PCDH15: variants seen among roughly 807,000 people sequenced by gnomAD.
The protein encoded by PCDH15 is protocadherin related 15.
In PCDH15, 129 loss-of-function variants were observed where a neutral mutation model predicts 178.5. The ratio of observed to expected loss-of-function variants is 0.72; its 90% CI spans 0.63 to 0.84. The LOEUF is 0.84. Ranked by LOEUF, PCDH15 falls within the 40% of genes least tolerant of loss-of-function variation. The probability of loss-of-function intolerance (pLI) is 0.00; values close to 1 mark genes in which losing one functional copy is unlikely to be tolerated. For synonymous variants in PCDH15, 800 were observed against 732.0 expected, an observed-to-expected ratio of 1.09 and a Z score of -1.50; for missense variants, 2,230 against 2,099.9, an observed-to-expected ratio of 1.06 and a Z score of -1.21.
At chr10:55,273,178 A>C (rs563941881) in intron 1 of PCDH15, among the ~76,000 whole-genome samples, 1 of 152,212 alleles carries the variant, frequency 6.6e-6, no homozygotes, top group African/African-American at 2.4e-5. Flanking sequence ...AGTTTTTATT[A>C]CTCTCATTTT....
chr10:54,549,889 T>G (rs1344697559), intron 2 of PCDH15, among the ~76,000 whole-genome samples: 1 of 152,094 alleles, frequency 6.6e-6, no homozygotes, highest in African/African-American at 2.4e-5. Context: ...CTACATCTTC[T>G]TAGTAAATTG....
chr10:55,392,465 T>C (rs1000822765), intron 2 of PCDH15, among the ~76,000 whole-genome samples: 1 of 152,280 alleles, frequency 6.6e-6, no homozygotes, highest in East Asian at 1.9e-4. Flanking sequence ...AAAACTAAGG[T>C]ATAGTTTTTT....
chr10:54,150,660 G>A (rs1049394166), intron 14 of PCDH15, among the ~76,000 whole-genome samples: 1 of 150,072 alleles, frequency 6.7e-6, no homozygotes, highest in Non-Finnish European at 1.5e-5. Context: ...TATTTTTGTT[G>A]TTTCTTTCCA....
At chr10:54,421,809 A>G (rs1228507922) in intron 3 of PCDH15, among the ~76,000 whole-genome samples, 1 of 71,944 alleles carries the variant, frequency 1.4e-5, no homozygotes. Context: ...GTACATGTGT[A>G]GTGTGTGTAT....
chr10:53,962,044 A>C (rs1370902015), intron 21 of PCDH15, 152 bp from the exon 22 acceptor site: 44 of 657,216 alleles, frequency 6.7e-5, no homozygotes, highest in Non-Finnish European at 9.3e-5. Context: ...ATGTAGCCAG[A>C]TCATTATTTC....
At chr10:55,573,936 C>T (rs1842452326) in intron 2 of PCDH15, among the ~76,000 whole-genome samples, 1 of 151,620 alleles carries the variant, frequency 6.6e-6, no homozygotes, top group Non-Finnish European at 1.5e-5. Context: ...CATGTTACCA[C>T]CATTAAATGA....
chr10:54,611,194 C>T (rs1242511682), intron 2 of PCDH15, among the ~76,000 whole-genome samples: 1 of 151,526 alleles, frequency 6.6e-6, no homozygotes, highest in Non-Finnish European at 1.5e-5. Context: ...ATTTTCTTGC[C>T]AAGTTATGTG....
intron 8 of PCDH15, among the ~76,000 whole-genome samples, chr10:54,267,514 C>A (rs1311385828): frequency 2.6e-5 from 4 of 151,754 alleles, no homozygotes; most frequent in Non-Finnish European, 4.4e-5. Context: ...GGATTCTATA[C>A]CTAGAAAACC....
At chr10:53,895,386 C>CT (rs1397929186) in intron 26 of PCDH15, among the ~76,000 whole-genome samples, 1 of 152,124 alleles carries the variant, frequency 6.6e-6, no homozygotes, top group African/African-American at 2.4e-5. Context: ...TTTCTTGCTG[C>CT]TTTTTCACAA....
intron 16 of PCDH15, among the ~76,000 whole-genome samples, chr10:54,086,491 T>C (rs2094519017): frequency 1.3e-5 from 2 of 152,130 alleles, no homozygotes; most frequent in Admixed American, 1.3e-4. Flanking sequence ...TCCTTGAAAG[T>C]TATAGAGAAG....
rs543396293 is a variant in PCDH15, at chr10:54,338,249, A to T, written c.594+8116T>A. Among the ~76,000 whole-genome samples the T allele has an allele frequency of 3.3e-5, 5 of 152,340 alleles. No individual in the cohort carries two copies. The South Asian group carries it at 6.2e-4, about 19-fold the overall frequency. ...TAATTATACATGAGTTTCCAGTAAA[A>T]TGAGAATATTATGAATTTATGGAGG... On this transcript the variant is annotated intron_variant, in intron 6 of 37. Transcript: ENST00000644397.
intron 1 of PCDH15, among the ~76,000 whole-genome samples, chr10:55,254,943 T>G (rs1564936705): frequency 1.2e-5 from 1 of 83,832 alleles, no homozygotes; most frequent in East Asian, 4.8e-4. Flanking sequence ...CTAGTTAGCT[T>G]AAGTCTTTTC....
chr10:54,134,830 T>C (rs1005544331), intron 14 of PCDH15, among the ~76,000 whole-genome samples: 1 of 151,638 alleles, frequency 6.6e-6, no homozygotes, highest in Non-Finnish European at 1.5e-5. Context: ...CTTTATAATA[T>C]ACCTAAATTC....
chr10:54,850,971 A>G (rs192540436), intron 3 of PCDH15, among the ~76,000 whole-genome samples: 1 of 152,322 alleles, frequency 6.6e-6, no homozygotes, highest in East Asian at 1.9e-4. Context: ...TAAGATGATC[A>G]ATGCAGAAAT....
intron 2 of PCDH15, among the ~76,000 whole-genome samples, chr10:54,604,821 G>A (rs1221060784): frequency 6.6e-6 from 1 of 151,242 alleles, no homozygotes; most frequent in East Asian, 1.9e-4. Context: ...CTTTCTTGAT[G>A]TCTTATTTTG....
chr10:55,126,211 C>T (rs376961886), intron 2 of PCDH15, among the ~76,000 whole-genome samples: 36 of 152,158 alleles, frequency 2.4e-4, no homozygotes, highest in African/African-American at 8.7e-4. Flanking sequence ...CATTGCTCTT[C>T]CCTTTTGTTA....
intron 2 of PCDH15, among the ~76,000 whole-genome samples, chr10:55,485,649 T>C (rs1242138853): frequency 6.6e-6 from 1 of 151,542 alleles, no homozygotes; most frequent in Admixed American, 6.6e-5. Context: ...GCTGTATATA[T>C]ATGCCAAGGA....
chr10:54,242,331 A>C, intron 8 of PCDH15, among the ~76,000 whole-genome samples: 1 of 151,398 alleles, frequency 6.6e-6, no homozygotes. Context: ...TATCTTGAAC[A>C]AAAGGTATAT....
chr10:54,853,475 ATAGT>A (rs1953681102), intron 3 of PCDH15, among the ~76,000 whole-genome samples: 1 of 148,256 alleles, frequency 6.7e-6, no homozygotes, highest in Non-Finnish European at 1.5e-5. Flanking sequence ...ATATATATAT[ATAGT>A]ATTACAAATA....
Sources: allele counts gnomAD v4.1 joint callset (sites outside exome capture counted in the v4.1 genomes callset), GRCh38; gene constraint gnomAD v4.1.1; transcripts MANE v1.5; gene names NCBI Gene and HGNC (gene_info 2026-07-23, HGNC 2026-07-21).